ITGA4: variants seen among roughly 807,000 people sequenced by gnomAD.
ITGA4 encodes the protein integrin alpha-4.
A neutral mutation model predicts 133.6 loss-of-function variants in ITGA4; 63 were observed. The ratio of observed to expected loss-of-function variants is 0.47; its 90% CI spans 0.38 to 0.58. The LOEUF is 0.58. Among genes scored for constraint, ITGA4 ranks in the 20% least tolerant of loss-of-function variants. ITGA4 has a pLI of 0.00. For synonymous variants in ITGA4, 483 were observed against 438.0 expected (o/e 1.10, Z -1.28); for missense variants, 1,076 against 1,252.7 (o/e 0.86, Z 2.13).
In ITGA4 at chr2:181,537,259, TTCC is replaced by T. The variant is rs1559063250; in HGVS notation, c.*1734_*1736del. 2 of 453,886 alleles carry T rather than the reference TTCC, an allele frequency of 4.4e-6. No homozygotes were observed. The highest frequency in any genetic ancestry group is 4.7e-5 in the Admixed American group (2 of 42,544). 28.1% of individuals were successfully genotyped at this position (453,886 alleles called of 1,614,324 possible). A position where few individuals can be genotyped will look rare whatever the true frequency, so the allele number is the denominator to read the frequency against. On this transcript the variant is annotated 3_prime_UTR_variant, in exon 28 of 28. Transcript: ENST00000397033. ...TCTAAGGAAATTTACATTTGGTTCTTTCCTACTCAGAACTACTCAGAAACAACT... is the reference window on the plus strand; with the variant it reads ...TCTAAGGAAATTTACATTTGGTTCTTTACTCAGAACTACTCAGAAACAACT...
intron 11 of ITGA4, 79 bp downstream of exon 11, chr2:181,493,498 A>G (rs185267521): frequency 1.5e-5 from 11 of 753,270 alleles, no homozygotes; most frequent in African/African-American, 1.5e-4. Flanking sequence ...ATGTGGACTT[A>G]TTTTTCTTAA....
intron 6 of ITGA4, among the ~76,000 whole-genome samples, chr2:181,480,599 C>A (rs1057200442): frequency 4.6e-5 from 7 of 152,094 alleles, no homozygotes; most frequent in African/African-American, 1.7e-4. Flanking sequence ...CTGTTGAGTG[C>A]CTCCCATATC....
rs531446991 is a variant in ITGA4 at position 181,516,877 on chromosome 2, T to G, written c.1922+5102T>G. 2.9e-4 allele frequency among the ~76,000 whole-genome samples: 44 copies of G among 152,188 alleles called. 1 individual carries two copies. In the East Asian group the frequency reaches 7.9e-3, roughly 27 times the overall value. ...CTAGTGTGATGAAATTGTCCATTTT[T>G]AAAATGGAAATAGTACGAATATTTG... is the stretch of plus-strand genomic sequence containing the variant. On this transcript the variant is annotated intron_variant, in intron 17 of 27. Transcript: ENST00000397033. This position sits in a 1 kb window ranked among gnomAD's most constrained non-coding sequence, Gnocchi z 4.0.
intron 25 of ITGA4, among the ~76,000 whole-genome samples, chr2:181,532,551 G>T (rs1004721037): frequency 1.3e-5 from 2 of 152,054 alleles, no homozygotes; most frequent in African/African-American, 4.8e-5. Context: ...CTCTCTGCTT[G>T]TCTATTATTG....
At chr2:181,463,903 T>A (rs550766240) in intron 2 of ITGA4, among the ~76,000 whole-genome samples, 20 of 152,140 alleles carry the variant, frequency 1.3e-4, no homozygotes, top group Admixed American at 2.6e-4. Context: ...GAGAAGTGAT[T>A]AGAATAGTGC....
chr2:181,534,058 T>C (rs1353041736), intron 25 of ITGA4, among the ~76,000 whole-genome samples: 1 of 152,206 alleles, frequency 6.6e-6, no homozygotes, highest in Non-Finnish European at 1.5e-5. Flanking sequence ...GCAAGGTAGC[T>C]GTTTAATCAA....
intron 2 of ITGA4, 106 bp downstream of exon 2, chr2:181,458,423 T>G: frequency 1.5e-6 from 2 of 1,332,324 alleles, no homozygotes; most frequent in South Asian, 2.6e-5. Flanking sequence ...ACTTCTGGTT[T>G]AAAGAGCATA....
chr2:181,511,892 A>G lies in ITGA4; in HGVS notation c.1922+117A>G, dbSNP rs1207501514. 3 of 590,802 alleles carry G rather than the reference A, an allele frequency of 5.1e-6. No homozygotes were observed. The East Asian group carries it at 8.2e-5, about 16-fold the overall frequency. The allele number at this position is 590,802 out of a possible 1,614,324, so 36.6% of individuals were successfully genotyped here. A position where few individuals can be genotyped will look rare whatever the true frequency, so the allele number is the denominator to read the frequency against. ...TAACCCTTGAAAATTAACAGCGTTTAAAGAATTAGCAACACAATGCTTAGT... is the reference window on the plus strand; with the variant it reads ...TAACCCTTGAAAATTAACAGCGTTTGAAGAATTAGCAACACAATGCTTAGT... On this transcript the variant is annotated intron_variant, in intron 17 of 27. Transcript: ENST00000397033.
At chr2:181,482,916 T>C (rs1685837660) in intron 9 of ITGA4, among the ~76,000 whole-genome samples, 1 of 152,170 alleles carries the variant, frequency 6.6e-6, no homozygotes, top group South Asian at 2.1e-4. Context: ...CTCTGGTAGC[T>C]GAAATTTCTT....
intron 2 of ITGA4, among the ~76,000 whole-genome samples, chr2:181,467,073 T>C (rs1685435835): frequency 6.6e-6 from 1 of 152,186 alleles, no homozygotes; most frequent in Non-Finnish European, 1.5e-5. Context: ...ACTTTAATTA[T>C]TGCTTTTATA....
intron 15 of ITGA4, among the ~76,000 whole-genome samples, chr2:181,509,271 G>C (rs1214462874): frequency 6.6e-6 from 1 of 150,998 alleles, no homozygotes; most frequent in Non-Finnish European, 1.5e-5. Context: ...AAAATGTATA[G>C]GGTAAAGTTA....
At chr2:181,522,022 T>A (rs56136548) in intron 17 of ITGA4, among the ~76,000 whole-genome samples, 169 bp from the exon 18 acceptor site, 35,796 of 152,102 alleles carry the variant, frequency 0.24, 4,964 homozygotes, top group Non-Finnish European at 0.31. Flanking sequence ...GAGTTCTTCT[T>A]AATATGGTTT....
rs189445445 is a variant in ITGA4 at position 181,461,862 on chromosome 2, G to A, written c.319+3545G>A. On this transcript the variant is annotated intron_variant, in intron 2 of 27. Coordinates refer to ENST00000397033, the MANE Select transcript of ITGA4 (RefSeq NM_000885.6). ...AACACATAAAATGTGGCTAGTCAGC[G>A]ATGAGAGGGCTGTAATGTAAATTAC... 3.0e-4 allele frequency among the ~76,000 whole-genome samples: 45 copies of A among 152,226 alleles called. No homozygotes were observed. In the East Asian group the frequency reaches 5.6e-3, roughly 19 times the overall value.
intron 21 of ITGA4, among the ~76,000 whole-genome samples, chr2:181,526,122 T>A (rs1007368290): frequency 1.3e-5 from 2 of 152,146 alleles, no homozygotes; most frequent in African/African-American, 2.4e-5. Flanking sequence ...GTATCAAGTT[T>A]GAGATAAAGC....
rs1483812619 is a variant in ITGA4, at chr2:181,537,318, A to G, written c.*1791A>G. On this transcript the variant is annotated 3_prime_UTR_variant, in exon 28 of 28. Coordinates refer to ENST00000397033, the MANE Select transcript of ITGA4 (RefSeq NM_000885.6). ...TTTCAGGTTATCTGAGCACAGTGAA[A>G]GCAGAGTACTATGGTTGTCCAACAC... 2.2e-6 allele frequency: 1 copy of G among 453,838 alleles called. No homozygotes were observed. Among genetic ancestry groups the G allele is most frequent in the Non-Finnish European group, 4.4e-6 (1 of 226,730 alleles). 28.1% of individuals were successfully genotyped at this position (453,838 alleles called of 1,614,324 possible).
intron 27 of ITGA4, 82 bp from the exon 28 acceptor site, chr2:181,535,350 C>A: frequency 9.4e-7 from 1 of 1,064,358 alleles, no homozygotes; most frequent in Non-Finnish European, 1.3e-6. Flanking sequence ...TTGGTGTTAA[C>A]TGCTTAGATA....
intron 16 of ITGA4, among the ~76,000 whole-genome samples, chr2:181,510,547 C>A (rs1686486834): frequency 6.6e-6 from 1 of 152,026 alleles, no homozygotes; most frequent in South Asian, 2.1e-4. Context: ...TAATGACACA[C>A]AGAATGTAAA....
At chr2:181,509,091 A>G (rs1041477557) in intron 15 of ITGA4, among the ~76,000 whole-genome samples, 8 of 135,286 alleles carry the variant, frequency 5.9e-5, no homozygotes, top group South Asian at 2.5e-4. Context: ...GTGGTGAGCT[A>G]CACTTCACTC....
chr2:181,478,909 A>C, intron 5 of ITGA4, 85 bp downstream of exon 5: 1 of 656,682 alleles, frequency 1.5e-6, no homozygotes, highest in Non-Finnish European at 2.4e-6. Flanking sequence ...ATATGTTTTA[A>C]AGTAAAAATT....
Sources: allele counts gnomAD v4.1 joint callset (sites outside exome capture counted in the v4.1 genomes callset), GRCh38; gene constraint gnomAD v4.1.1; non-coding constraint Gnocchi (gnomAD v3.1); transcripts MANE v1.5; gene names NCBI Gene and HGNC (gene_info 2026-07-23, HGNC 2026-07-21).